Variants in FRMD5 observed in about 807,000 individuals in gnomAD.
The protein encoded by FRMD5 is FERM domain containing 5.
In FRMD5, 20 loss-of-function variants were observed where a neutral mutation model predicts 69.0. That is an observed-to-expected ratio of 0.29 (90% confidence interval 0.20 to 0.42). The LOEUF (loss-of-function observed/expected upper bound fraction) is 0.42, where lower values mean the gene tolerates loss of function less well. Among genes scored for constraint, FRMD5 ranks in the 10% least tolerant of loss-of-function variants. FRMD5 has a pLI of 1.00. For synonymous variants in FRMD5, 271 were observed against 260.1 expected, an observed-to-expected ratio of 1.04 and a Z score of -0.40; for missense variants, 595 against 708.6, an observed-to-expected ratio of 0.84 and a Z score of 1.82.
At chr15:44,129,117 C>A (rs1172493354) in intron 1 of FRMD5, among the ~76,000 whole-genome samples, 6 of 152,046 alleles carry the variant, frequency 3.9e-5, no homozygotes, top group Non-Finnish European at 8.8e-5. Flanking sequence ...ATCCAAATAG[C>A]CCTTAAGGAT....
chr15:43,912,425 T>G (rs1481984735), intron 4 of FRMD5, among the ~76,000 whole-genome samples: 2 of 152,014 alleles, frequency 1.3e-5, no homozygotes, highest in Non-Finnish European at 2.9e-5. Flanking sequence ...AGTGAGCACT[T>G]CTCTGCCTCT....
At chr15:44,101,972 G>T (rs2140531118) in intron 1 of FRMD5, among the ~76,000 whole-genome samples, 1 of 152,348 alleles carries the variant, frequency 6.6e-6, no homozygotes, top group South Asian at 2.1e-4. Context: ...GGGTTGAAAA[G>T]CTTTGGACTA....
At chr15:43,915,567 A>G (rs953724198) in intron 4 of FRMD5, among the ~76,000 whole-genome samples, 1 of 152,052 alleles carries the variant, frequency 6.6e-6, no homozygotes, top group African/African-American at 2.4e-5. Flanking sequence ...GAGTTCATAC[A>G]CCTGCAATCC....
In FRMD5 at chr15:43,873,902, G is replaced by T. The variant is rs756855308; in HGVS notation, c.1696C>A (p.Leu566Met). 6.2e-7 allele frequency: 1 copy of T among 1,614,034 alleles called. No homozygotes were observed. Among genetic ancestry groups the T allele is most frequent in the South Asian group, 1.1e-5 (1 of 91,072 alleles). Residue 566 changes from leucine (L) to methionine (M), a missense_variant, in exon 14 of 14, where the codon CTG (leucine) becomes ATG (methionine). Leu to Met is a conservative substitution (Grantham distance 15, BLOSUM62 2). Coordinates refer to ENST00000417257, the MANE Select transcript of FRMD5 (RefSeq NM_032892.5). The part of the protein sequence containing the change: ...FACKIRSVVS[L>M]LIDT ...ATGCCTTCTCAGGTGTCAATGAGCA[G>T]GCTCACCACTGAGCGGATTTTGCAG...
intron 1 of FRMD5, among the ~76,000 whole-genome samples, chr15:44,089,268 T>C (rs1297727336): frequency 6.6e-6 from 1 of 152,182 alleles, no homozygotes; most frequent in Admixed American, 6.6e-5. Context: ...TGTGAGTCCA[T>C]TTTTATATAT....
chr15:44,192,283 T>A (rs1390365120), intron 1 of FRMD5, among the ~76,000 whole-genome samples: 7 of 152,156 alleles, frequency 4.6e-5, no homozygotes, highest in Admixed American at 3.9e-4. Flanking sequence ...TTCTTATAAC[T>A]GAAATTTACC....
intron 1 of FRMD5, among the ~76,000 whole-genome samples, chr15:44,047,193 C>T (rs1012111348): frequency 6.6e-6 from 1 of 152,044 alleles, no homozygotes; most frequent in African/African-American, 2.4e-5. Flanking sequence ...CCTGTAATCC[C>T]AGCTATGTGG....
intron 4 of FRMD5, among the ~76,000 whole-genome samples, chr15:43,911,977 A>T (rs1255249804): frequency 6.6e-6 from 1 of 152,154 alleles, no homozygotes; most frequent in Non-Finnish European, 1.5e-5. Context: ...CAACCAAGCC[A>T]TCTTCTCTCC....
intron 1 of FRMD5, among the ~76,000 whole-genome samples, chr15:43,942,839 A>G (rs1312490280): frequency 6.6e-6 from 1 of 152,228 alleles, no homozygotes; most frequent in Non-Finnish European, 1.5e-5. Flanking sequence ...GGCTCACTGC[A>G]ATCTCCACCT....
At chr15:43,962,629 G>A (rs1436132766) in intron 1 of FRMD5, among the ~76,000 whole-genome samples, 2 of 152,174 alleles carry the variant, frequency 1.3e-5, no homozygotes, top group Non-Finnish European at 2.9e-5. Context: ...CAAAGCTGGA[G>A]GCATCACACT....
intron 6 of FRMD5, among the ~76,000 whole-genome samples, chr15:43,903,986 T>G (rs1436268444): frequency 6.6e-6 from 1 of 151,838 alleles, no homozygotes; most frequent in Non-Finnish European, 1.5e-5. Context: ...CCTAACAGAG[T>G]GACTTGAGGA....
chr15:44,141,169 T>C (rs2077268739), intron 1 of FRMD5, among the ~76,000 whole-genome samples: 1 of 152,130 alleles, frequency 6.6e-6, no homozygotes, highest in Non-Finnish European at 1.5e-5. Flanking sequence ...AAATATATTA[T>C]GTTCACAAAC....
chr15:44,070,189 C>A (rs1893479971), intron 1 of FRMD5, among the ~76,000 whole-genome samples: 1 of 151,956 alleles, frequency 6.6e-6, no homozygotes, highest in African/African-American at 2.4e-5. Flanking sequence ...CCATAGGAAA[C>A]CAGGGCTGGG....
chr15:44,034,157 AT>A (rs1891810403), intron 1 of FRMD5, among the ~76,000 whole-genome samples: 2 of 152,196 alleles, frequency 1.3e-5, no homozygotes, highest in Admixed American at 1.3e-4. Flanking sequence ...AAAGATCTCA[AT>A]TTTTGATAAT....
chr15:43,990,307 G>C, intron 1 of FRMD5: 1 of 259,276 alleles, frequency 3.9e-6, no homozygotes, highest in African/African-American at 2.2e-5. Flanking sequence ...CAAAATATTT[G>C]TCTGACTTTG....
At chr15:44,009,300 C>T (rs1890606160) in intron 1 of FRMD5, among the ~76,000 whole-genome samples, 1 of 152,200 alleles carries the variant, frequency 6.6e-6, no homozygotes, top group Non-Finnish European at 1.5e-5. Flanking sequence ...ATGCAGTTAT[C>T]ACTAAACATG....
chr15:44,143,391 T>C (rs1413219983), intron 1 of FRMD5, among the ~76,000 whole-genome samples: 2 of 151,998 alleles, frequency 1.3e-5, no homozygotes, highest in South Asian at 2.1e-4. Flanking sequence ...AACTTTTCAC[T>C]TGGGGACTAA....
chr15:44,054,937 G>C (rs1257902183), intron 1 of FRMD5, among the ~76,000 whole-genome samples: 1 of 152,044 alleles, frequency 6.6e-6, no homozygotes, highest in African/African-American at 2.4e-5. Context: ...GGGCGTGGTG[G>C]CATGCGCCTG....
intron 1 of FRMD5, among the ~76,000 whole-genome samples, chr15:43,997,904 G>A (rs571599469): frequency 2.2e-4 from 34 of 152,024 alleles, no homozygotes; most frequent in Non-Finnish European, 3.4e-4. Flanking sequence ...TGAGATCTCC[G>A]GTCTACTTCC....
Sources: gnomAD v4.1 joint callset for allele counts (sites outside exome capture counted in the v4.1 genomes callset) on GRCh38, gnomAD v4.1.1 for gene constraint, MANE v1.5 for transcripts, NCBI Gene and HGNC (gene_info 2026-07-23, HGNC 2026-07-21) for gene names.